Variants in ZFPM2 observed in about 807,000 individuals in gnomAD.
ZFPM2 encodes the protein zinc finger protein, FOG family member 2, also known as zinc finger protein ZFPM2.
Under a neutral mutation model 98.6 loss-of-function variants are expected in ZFPM2, and 20 were observed. That is an observed-to-expected ratio of 0.20 (90% confidence interval 0.14 to 0.29). The LOEUF is 0.29. ZFPM2 is among the 10% of genes least tolerant of loss of function. The pLI is 1.00. For missense variants in ZFPM2, 1,310 were observed against 1,388.6 expected, an observed-to-expected ratio of 0.94 and a Z score of 0.90; for synonymous variants, 518 against 502.7, an observed-to-expected ratio of 1.03 and a Z score of -0.41.
intron 5 of ZFPM2, among the ~76,000 whole-genome samples, chr8:105,769,410 A>G (rs1812933221): frequency 6.6e-6 from 1 of 152,032 alleles, no homozygotes; most frequent in African/African-American, 2.4e-5. Context: ...GGCCATGGCC[A>G]ACTTCCTACT....
intron 1 of ZFPM2, among the ~76,000 whole-genome samples, chr8:105,345,405 T>C (rs1464424394): frequency 5.3e-5 from 8 of 150,204 alleles, no homozygotes; most frequent in Admixed American, 4.0e-4. Context: ...CGCTGACATA[T>C]CTAGCTTATT....
intron 3 of ZFPM2, among the ~76,000 whole-genome samples, chr8:105,488,153 G>A (rs1488603245): frequency 6.6e-6 from 1 of 151,964 alleles, no homozygotes; most frequent in East Asian, 1.9e-4. Context: ...GTTTTCATTA[G>A]GGACACCAGT....
chr8:105,752,979 TA>T (rs376982933), intron 5 of ZFPM2, among the ~76,000 whole-genome samples: 71 of 152,188 alleles, frequency 4.7e-4, no homozygotes, highest in Non-Finnish European at 4.1e-4. Flanking sequence ...TCTCACTGCA[TA>T]AAACAAGCAC....
intron 7 of ZFPM2, among the ~76,000 whole-genome samples, chr8:105,799,758 T>C (rs1196456597): frequency 3.9e-5 from 6 of 152,328 alleles, no homozygotes; most frequent in African/African-American, 9.6e-5. Context: ...CTGAGAATCA[T>C]AGTTTTTCAG....
intron 1 of ZFPM2, among the ~76,000 whole-genome samples, chr8:105,336,293 C>T (rs542945426): frequency 4.0e-5 from 6 of 151,716 alleles, no homozygotes; most frequent in South Asian, 2.1e-4. Context: ...GAGGATTCAA[C>T]GAGTTTACAC....
At chr8:105,464,026 G>C (rs1812750899) in intron 3 of ZFPM2, among the ~76,000 whole-genome samples, 1 of 152,014 alleles carries the variant, frequency 6.6e-6, no homozygotes, top group South Asian at 2.1e-4. Context: ...TCTTCTGAGG[G>C]CTTCGCAGTT....
intron 3 of ZFPM2, among the ~76,000 whole-genome samples, chr8:105,459,754 G>A (rs1812669054): frequency 1.3e-5 from 2 of 152,044 alleles, no homozygotes; most frequent in Non-Finnish European, 2.9e-5. Context: ...CTCTCCTTAT[G>A]ATCTCATTTA....
chr8:105,340,998 T>C (rs1812418451), intron 1 of ZFPM2, among the ~76,000 whole-genome samples: 2 of 151,934 alleles, frequency 1.3e-5, no homozygotes, highest in Admixed American at 1.3e-4. Flanking sequence ...GAGGAACCAC[T>C]GTCAAGGGTG....
chr8:105,398,822 G>A (rs576129939), intron 1 of ZFPM2, among the ~76,000 whole-genome samples: 31 of 152,150 alleles, frequency 2.0e-4, no homozygotes, highest in African/African-American at 7.2e-4. Flanking sequence ...CAAATGTGTG[G>A]CACCACTTTG....
At chr8:105,444,214 A>C in intron 2 of ZFPM2, 66 bp from the exon 3 acceptor site, 2 of 1,220,740 alleles carry the variant, frequency 1.6e-6, no homozygotes, top group East Asian at 5.0e-5. Flanking sequence ...TCCCTTTATG[A>C]GGGTGTGAAT....
intron 1 of ZFPM2, among the ~76,000 whole-genome samples, chr8:105,346,911 G>C (rs893040282): frequency 6.6e-6 from 1 of 152,142 alleles, no homozygotes; most frequent in Non-Finnish European, 1.5e-5. Flanking sequence ...CTCAGTAAAT[G>C]CTAGTCAGTT....
At chr8:105,489,504 C>A (rs1291006745) in intron 3 of ZFPM2, among the ~76,000 whole-genome samples, 4 of 133,040 alleles carry the variant, frequency 3.0e-5, no homozygotes, top group Non-Finnish European at 6.1e-5. Flanking sequence ...CACTTTGTTG[C>A]CCAGGCTAGA....
At chr8:105,725,063 C>T (rs894096986) in intron 5 of ZFPM2, among the ~76,000 whole-genome samples, 2 of 151,746 alleles carry the variant, frequency 1.3e-5, no homozygotes, top group East Asian at 1.9e-4. Context: ...TTTTGTAAAA[C>T]ATCATTTTTC....
intron 3 of ZFPM2, among the ~76,000 whole-genome samples, chr8:105,505,046 G>T (rs1254664390): frequency 6.6e-6 from 1 of 152,116 alleles, no homozygotes; most frequent in Admixed American, 6.6e-5. Context: ...CCCCAGATTA[G>T]ATTGCAAGGC....
intron 5 of ZFPM2, among the ~76,000 whole-genome samples, chr8:105,732,120 A>C (rs978787054): frequency 5.9e-5 from 9 of 151,762 alleles, no homozygotes; most frequent in African/African-American, 2.2e-4. Flanking sequence ...TTTTCTGCCT[A>C]CAACAAAAAT....
chr8:105,327,893 T>C (rs1366137861), intron 1 of ZFPM2, among the ~76,000 whole-genome samples: 1 of 151,828 alleles, frequency 6.6e-6, no homozygotes, highest in Admixed American at 6.6e-5. Flanking sequence ...TAATTTCCCA[T>C]AGCTAATGTC....
At chr8:105,678,633 A>C (rs927925091) in intron 5 of ZFPM2, 3 of 152,192 alleles carry the variant, frequency 2.0e-5, no homozygotes, top group African/African-American at 4.8e-5. Flanking sequence ...ATAACTAACA[A>C]AATTGCTATA....
At chr8:105,417,297 T>C (rs949430716) in intron 1 of ZFPM2, among the ~76,000 whole-genome samples, 2 of 152,198 alleles carry the variant, frequency 1.3e-5, no homozygotes, top group African/African-American at 4.8e-5. Flanking sequence ...CACTGGATTA[T>C]TTTAAAGATC....
intron 3 of ZFPM2, among the ~76,000 whole-genome samples, chr8:105,508,251 AAC>A (rs1169540249): frequency 6.6e-6 from 1 of 152,164 alleles, no homozygotes; most frequent in Non-Finnish European, 1.5e-5. Flanking sequence ...TCCAACCAGT[AAC>A]AGTTTCCTGG....
Sources: gnomAD v4.1 joint callset for allele counts (sites outside exome capture counted in the v4.1 genomes callset) on GRCh38, gnomAD v4.1.1 for gene constraint, MANE v1.5 for transcripts, NCBI Gene and HGNC (gene_info 2026-07-23, HGNC 2026-07-21) for gene names.